CAMK1D: variants seen among roughly 807,000 people sequenced by gnomAD.
CAMK1D encodes the protein calcium/calmodulin dependent protein kinase ID.
Under a neutral mutation model 47.7 loss-of-function variants are expected in CAMK1D, and 9 were observed. The ratio of observed to expected loss-of-function variants is 0.19; its 90% CI spans 0.11 to 0.33. The LOEUF (loss-of-function observed/expected upper bound fraction) is 0.33, where lower values mean the gene tolerates loss of function less well. Among genes scored for constraint, CAMK1D ranks in the 10% least tolerant of loss-of-function variants. CAMK1D has a pLI of 1.00. For synonymous variants in CAMK1D, 184 were observed against 184.9 expected (o/e 0.99, Z 0.04); for missense variants, 291 against 488.7 (o/e 0.60, Z 3.81).
At chr10:12,378,237 C>CT (rs1838239298) in intron 1 of CAMK1D, among the ~76,000 whole-genome samples, 2 of 152,168 alleles carry the variant, frequency 1.3e-5, no homozygotes, top group Non-Finnish European at 2.9e-5. Context: ...GCCCTTACTA[C>CT]TTTTTGTTTT....
At chr10:12,368,657 T>G (rs1837916845) in intron 1 of CAMK1D, among the ~76,000 whole-genome samples, 1 of 151,122 alleles carries the variant, frequency 6.6e-6, no homozygotes, top group African/African-American at 2.4e-5. Flanking sequence ...CTGAGCACAG[T>G]GGTTCACACC....
chr10:12,625,420 GA>G (rs1839182683), intron 2 of CAMK1D, among the ~76,000 whole-genome samples: 2 of 147,854 alleles, frequency 1.4e-5, no homozygotes, highest in South Asian at 4.5e-4. Flanking sequence ...CTGTAACCTT[GA>G]ACTCTTGGGT....
At chr10:12,635,522 A>G (rs1839490903) in intron 2 of CAMK1D, among the ~76,000 whole-genome samples, 1 of 151,886 alleles carries the variant, frequency 6.6e-6, no homozygotes, top group Non-Finnish European at 1.5e-5. Flanking sequence ...GGTCTGGGGG[A>G]GGGTGGAGGT....
In CAMK1D at chr10:12,419,257, A is replaced by T. The variant is rs371446905; in HGVS notation, c.92+69347A>T. Among the ~76,000 whole-genome samples the T allele has an allele frequency of 1.6e-3, 242 of 152,258 alleles. 1 individual carries two copies. Among genetic ancestry groups the T allele is most frequent in the African/African-American group, 5.0e-3 (207 of 41,528 alleles). ...CCTACTTTCTGCCCCTATGAAAAAAAAAATAAATAAAAGGCAAGAGTGAGA... is the reference window on the plus strand; with the variant it reads ...CCTACTTTCTGCCCCTATGAAAAAATAAATAAATAAAAGGCAAGAGTGAGA... On this transcript the variant is annotated intron_variant, in intron 1 of 10. Coordinates refer to ENST00000619168, the MANE Select transcript of CAMK1D (RefSeq NM_153498.4).
intron 1 of CAMK1D, among the ~76,000 whole-genome samples, chr10:12,459,789 C>G (rs964369448): frequency 6.6e-6 from 1 of 152,152 alleles, no homozygotes; most frequent in Non-Finnish European, 1.5e-5. Flanking sequence ...TTTTCTCTGT[C>G]TCTTTGGGTT....
At chr10:12,433,193 G>A (rs983569080) in intron 1 of CAMK1D, among the ~76,000 whole-genome samples, 4 of 152,136 alleles carry the variant, frequency 2.6e-5, no homozygotes, top group Non-Finnish European at 4.4e-5. Context: ...GAGGAGCTTG[G>A]AGATCCCCCA....
chr10:12,825,883 T>A, intron 10 of CAMK1D, 193 bp downstream of exon 10: 1 of 845,968 alleles, frequency 1.2e-6, no homozygotes, highest in East Asian at 2.7e-5. Flanking sequence ...ACGCCTGTAA[T>A]CCCAACACTT....
chr10:12,773,250 A>G lies in CAMK1D; in HGVS notation c.565+3451A>G, dbSNP rs192924742. Among the ~76,000 whole-genome samples, 6 of 152,260 alleles carry G rather than the reference A, an allele frequency of 3.9e-5. 1 individual carries two copies. The highest frequency in any genetic ancestry group is 3.4e-3 in the Middle Eastern group (1 of 294). Reference sequence around the variant, plus strand: ...TCTCTTCCCCTTCCATTCACTCAGCATGCATTTATTGAGTTCCTGCTGTGT... The same window carrying G: ...TCTCTTCCCCTTCCATTCACTCAGCGTGCATTTATTGAGTTCCTGCTGTGT... On this transcript the variant is annotated intron_variant, in intron 5 of 10. Transcript: ENST00000619168.
intron 1 of CAMK1D, among the ~76,000 whole-genome samples, chr10:12,538,308 T>A (rs1305595194): frequency 1.3e-5 from 2 of 152,230 alleles, no homozygotes; most frequent in Admixed American, 1.3e-4. Context: ...GTGATCTCTT[T>A]AGCTCTGTGA....
At chr10:12,594,521 C>G (rs1838087636) in intron 2 of CAMK1D, among the ~76,000 whole-genome samples, 1 of 152,208 alleles carries the variant, frequency 6.6e-6, no homozygotes, top group African/African-American at 2.4e-5. Context: ...AGCCAAGAGT[C>G]AGACAGAATG....
At chr10:12,456,865 A>G (rs887798323) in intron 1 of CAMK1D, among the ~76,000 whole-genome samples, 16 of 151,820 alleles carry the variant, frequency 1.1e-4, no homozygotes, top group African/African-American at 1.9e-4. Context: ...ATGAACTAAC[A>G]TTACGGATAC....
At chr10:12,729,169 G>A (rs554244167) in intron 3 of CAMK1D, among the ~76,000 whole-genome samples, 3 of 152,328 alleles carry the variant, frequency 2.0e-5, no homozygotes, top group East Asian at 1.9e-4. Context: ...AGTCCTGTGC[G>A]TGTTTTTCGT....
intron 6 of CAMK1D, among the ~76,000 whole-genome samples, chr10:12,797,013 G>A (rs117869644): frequency 1.4e-4 from 22 of 152,284 alleles, no homozygotes; most frequent in African/African-American, 3.1e-4. Context: ...GAAATGCTCC[G>A]TGAGAAACCA....
chr10:12,824,500 ACGAGT>A lies in CAMK1D; in HGVS notation c.871_875del (p.Glu291ArgfsTer19). 6.2e-7 allele frequency: 1 copy of A among 1,614,114 alleles called. No individual in the cohort carries two copies. Among genetic ancestry groups the A allele is most frequent in the Non-Finnish European group, 8.5e-7 (1 of 1,179,998 alleles). ...GACACAGCCCTCAACAAAAACATCC[ACGAGT>A]CCGTCAGCGCCCAGATCCGGAAAAA... On this transcript the variant is annotated frameshift_variant, in exon 9 of 11. Transcript: ENST00000619168. LOFTEE classifies it high-confidence loss of function.
chr10:12,713,693 G>C (rs1834017539), intron 3 of CAMK1D, among the ~76,000 whole-genome samples: 1 of 152,200 alleles, frequency 6.6e-6, no homozygotes, highest in Non-Finnish European at 1.5e-5. Context: ...ATGTGGGGAA[G>C]GGCAGGTGGC....
chr10:12,664,825 A>C (rs1211800718), intron 2 of CAMK1D, among the ~76,000 whole-genome samples: 1 of 152,228 alleles, frequency 6.6e-6, no homozygotes. Context: ...CTCTTCATAT[A>C]ATCCCATTCC....
chr10:12,367,522 A>G (rs1837871769), intron 1 of CAMK1D, among the ~76,000 whole-genome samples: 1 of 152,120 alleles, frequency 6.6e-6, no homozygotes, highest in South Asian at 2.1e-4. Context: ...TTAAAATATA[A>G]TGAAATAATT....
intron 1 of CAMK1D, among the ~76,000 whole-genome samples, chr10:12,364,547 T>C (rs1166003607): frequency 6.6e-6 from 1 of 151,974 alleles, no homozygotes; most frequent in Admixed American, 6.6e-5. Context: ...ATGGCCATCA[T>C]TCTCATTTGA....
At chr10:12,518,877 A>G (rs888260402) in intron 1 of CAMK1D, among the ~76,000 whole-genome samples, 4 of 127,838 alleles carry the variant, frequency 3.1e-5, no homozygotes, top group East Asian at 2.1e-4. Context: ...AAAGTCTCCC[A>G]TATCTACTTC....
Sources: gnomAD v4.1 joint callset for allele counts (sites outside exome capture counted in the v4.1 genomes callset) on GRCh38, gnomAD v4.1.1 for gene constraint, MANE v1.5 for transcripts, NCBI Gene and HGNC (gene_info 2026-07-23, HGNC 2026-07-21) for gene names.